CELF1: variants seen among roughly 807,000 people sequenced by gnomAD.
CELF1 encodes 50 kDa nuclear polyadenylated RNA-binding protein.
Under a neutral mutation model 61.8 loss-of-function variants are expected in CELF1, and 10 were observed. The observed-to-expected ratio is 0.16, with a 90% CI of 0.10 to 0.27. CELF1 has a LOEUF of 0.27. Among genes scored for constraint, CELF1 ranks in the 10% least tolerant of loss-of-function variants. The pLI is 1.00. For synonymous variants in CELF1, 236 were observed against 225.1 expected (o/e 1.05, Z -0.43); for missense variants, 380 against 639.1 (o/e 0.59, Z 4.37).
At chr11:47,506,525 C>G (rs1285069392) in intron 1 of CELF1, among the ~76,000 whole-genome samples, 1 of 152,216 alleles carries the variant, frequency 6.6e-6, no homozygotes, top group Non-Finnish European at 1.5e-5. Context: ...AGCCCACAGG[C>G]TGCGGGTTGG....
intron 10 of CELF1, chr11:47,477,740 C>A (rs2080902150): frequency 1.1e-5 from 3 of 266,326 alleles, no homozygotes; most frequent in Admixed American, 4.6e-5. Flanking sequence ...GAGAACAATG[C>A]CAAAACCTAC....
At chr11:47,472,411 T>C (rs1398620762) in intron 14 of CELF1, 54 bp from the exon 15 acceptor site, 6 of 1,589,446 alleles carry the variant, frequency 3.8e-6, no homozygotes, top group South Asian at 1.1e-5. Context: ...AAGGAGATTC[T>C]CAGTCCTCCT....
intron 9 of CELF1, 52 bp from the exon 10 acceptor site, chr11:47,479,004 G>A: frequency 2.1e-6 from 3 of 1,448,080 alleles, no homozygotes; most frequent in East Asian, 4.7e-5. Flanking sequence ...GGCTGGTTCT[G>A]CATCTGGGAT....
At chr11:47,494,696 C>T (rs897382679) in intron 3 of CELF1, among the ~76,000 whole-genome samples, 1 of 152,186 alleles carries the variant, frequency 6.6e-6, no homozygotes. Context: ...CAATGGCAAG[C>T]TGATCCATTG....
chr11:47,541,718 G>T (rs1314717757), intron 1 of CELF1, among the ~76,000 whole-genome samples: 1 of 6,664 alleles, frequency 1.5e-4, no homozygotes, highest in African/African-American at 3.5e-4. Context: ...AAGAAAGAAA[G>T]AAAGAAAGAA....
intron 1 of CELF1, among the ~76,000 whole-genome samples, chr11:47,547,160 A>G (rs2096983254): frequency 6.6e-6 from 1 of 151,616 alleles, no homozygotes; most frequent in Non-Finnish European, 1.5e-5. Context: ...TTAAAATGCT[A>G]TAAACAGTGA....
chr11:47,524,185 G>A (rs2096110922), intron 1 of CELF1, among the ~76,000 whole-genome samples: 3 of 152,212 alleles, frequency 2.0e-5, no homozygotes, highest in African/African-American at 7.2e-5. Context: ...ATTTCTTAAA[G>A]GGGTGGAGGT....
intron 3 of CELF1, among the ~76,000 whole-genome samples, chr11:47,498,769 C>A (rs1399474532): frequency 1.3e-5 from 2 of 152,182 alleles, no homozygotes; most frequent in Admixed American, 6.5e-5. Flanking sequence ...TGTACAACAG[C>A]AGTTCTTGGA....
chr11:47,494,396 T>C (rs1209564663), intron 3 of CELF1: 2 of 984,374 alleles, frequency 2.0e-6, no homozygotes, highest in Admixed American at 6.2e-5. Flanking sequence ...ACTATGAAAA[T>C]TCAGGACAAG....
chr11:47,482,963 C>CA (rs1391939271), intron 8 of CELF1, 107 bp from the exon 9 acceptor site: 2 of 954,330 alleles, frequency 2.1e-6, no homozygotes, highest in Non-Finnish European at 3.1e-6. Flanking sequence ...CATTCACTGC[C>CA]AAATGATTCT....
chr11:47,489,390 TAAAA>T (rs1234762269), intron 3 of CELF1, among the ~76,000 whole-genome samples: 1 of 151,978 alleles, frequency 6.6e-6, no homozygotes, highest in African/African-American at 2.4e-5. Flanking sequence ...AACAAACACT[TAAAA>T]AAAGGCCCAC....
At chr11:47,506,154 C>T (rs1315175496) in intron 1 of CELF1, among the ~76,000 whole-genome samples, 3 of 150,766 alleles carry the variant, frequency 2.0e-5, no homozygotes, top group Non-Finnish European at 4.5e-5. Flanking sequence ...AGGCTGGGCG[C>T]GGTGGCTCAC....
intron 3 of CELF1, among the ~76,000 whole-genome samples, chr11:47,493,373 T>C (rs1231927724): frequency 2.0e-5 from 3 of 149,036 alleles, no homozygotes; most frequent in Non-Finnish European, 4.4e-5. Context: ...CTGGGTGTAG[T>C]GGCACACACC....
At chr11:47,517,506 C>A (rs756036496) in intron 1 of CELF1, among the ~76,000 whole-genome samples, 1 of 152,032 alleles carries the variant, frequency 6.6e-6, no homozygotes, top group Admixed American at 6.6e-5. Flanking sequence ...CTGATCAAGA[C>A]GTATTCATAT....
intron 1 of CELF1, among the ~76,000 whole-genome samples, chr11:47,539,357 C>T (rs1305244248): frequency 6.6e-6 from 1 of 152,158 alleles, no homozygotes; most frequent in African/African-American, 2.4e-5. Context: ...GGGGAAAAAG[C>T]ACTCTTCCCA....
intron 1 of CELF1, among the ~76,000 whole-genome samples, chr11:47,520,708 A>T (rs2095842340): frequency 6.6e-6 from 1 of 152,198 alleles, no homozygotes; most frequent in African/African-American, 2.4e-5. Context: ...GCCACTCAGG[A>T]GGCTGAGGTG....
intron 1 of CELF1, among the ~76,000 whole-genome samples, chr11:47,535,594 C>T (rs948875752): frequency 2.9e-4 from 44 of 149,974 alleles, no homozygotes; most frequent in African/African-American, 9.9e-4. Flanking sequence ...AGGAGAATCG[C>T]TTGAACCCGG....
intron 1 of CELF1, among the ~76,000 whole-genome samples, chr11:47,534,022 C>CTTTTTTTT (rs71042679): frequency 6.9e-5 from 6 of 87,576 alleles, no homozygotes; most frequent in Admixed American, 1.6e-4. Flanking sequence ...TTTTTCTTTC[C>CTTTTTTTT]TTTTTTTTTT....
chr11:47,513,894 A>G (rs2095396193), intron 1 of CELF1: 2 of 151,028 alleles, frequency 1.3e-5, no homozygotes, highest in African/African-American at 4.9e-5. Context: ...CCATGCATAC[A>G]ATAAAATGTA....
Sources: gnomAD v4.1 joint callset for allele counts (sites outside exome capture counted in the v4.1 genomes callset) on GRCh38, gnomAD v4.1.1 for gene constraint, MANE v1.5 for transcripts, NCBI Gene and HGNC (gene_info 2026-07-23, HGNC 2026-07-21) for gene names.